The following MTA3 variants were observed in gnomAD, a reference collection of about 807,000 sequenced individuals.
MTA3 encodes metastasis-associated protein MTA3.
A neutral mutation model predicts 83.5 loss-of-function variants in MTA3; 34 were observed. The ratio of observed to expected loss-of-function variants is 0.41; its 90% CI spans 0.31 to 0.54. MTA3 has a LOEUF of 0.54. Among genes scored for constraint, MTA3 ranks in the 20% least tolerant of loss-of-function variants. The probability of loss-of-function intolerance (pLI) is 0.33; values close to 1 mark genes in which losing one functional copy is unlikely to be tolerated. For synonymous variants in MTA3, 303 were observed against 252.7 expected (o/e 1.20, Z -1.89); for missense variants, 761 against 726.4 (o/e 1.05, Z -0.55).
Position 42,756,935 on chromosome 2 carries a change from C to T in MTA3, c.*3536C>T, listed in dbSNP as rs1464119331. 2.0e-6 allele frequency: 2 copies of T among 985,286 alleles called. No homozygotes were observed. The highest frequency in any genetic ancestry group is 2.4e-6 in the Non-Finnish European group (2 of 829,970). The allele number at this position is 985,286 out of a possible 1,614,324, so 61.0% of individuals were successfully genotyped here. On this transcript the variant is annotated 3_prime_UTR_variant, in exon 17 of 17. Coordinates refer to ENST00000405094, the MANE Select transcript of MTA3 (RefSeq NM_001330442.2). The stretch of plus-strand genomic sequence containing the variant: ...ATTTGTATTGTGTTTCCAATAAATT[C>T]CTGGAAATTTTGCCTGGTTTTATGC...
At chr2:42,751,841 A>G (rs1243908108) in intron 16 of MTA3, among the ~76,000 whole-genome samples, 1 of 152,178 alleles carries the variant, frequency 6.6e-6, no homozygotes, top group Non-Finnish European at 1.5e-5. Flanking sequence ...ACAAAAAGAG[A>G]GAGTGGCTCC....
At chr2:42,554,168 A>G (rs1357014161) in intron 2 of MTA3, among the ~76,000 whole-genome samples, 1 of 149,470 alleles carries the variant, frequency 6.7e-6, no homozygotes, top group Non-Finnish European at 1.5e-5. Context: ...CAGGAGATGG[A>G]GTTTGCAGTG....
At chr2:42,532,380 G>T (rs1357042684) in intron 2 of MTA3, among the ~76,000 whole-genome samples, 3 of 152,064 alleles carry the variant, frequency 2.0e-5, no homozygotes, top group Admixed American at 6.6e-5. Flanking sequence ...TGTCATGGCG[G>T]GTGACTGTAA....
intron 4 of MTA3, among the ~76,000 whole-genome samples, chr2:42,610,845 ACTC>A (rs1573259651): frequency 6.6e-6 from 1 of 151,606 alleles, no homozygotes; most frequent in East Asian, 1.9e-4. Context: ...GCAGTGTTTC[ACTC>A]CTCTTAGGTT....
intron 16 of MTA3, among the ~76,000 whole-genome samples, chr2:42,725,854 TCCCA>T (rs1667770950): frequency 6.6e-6 from 1 of 151,942 alleles, no homozygotes; most frequent in Non-Finnish European, 1.5e-5. Context: ...GCTTGTAGAG[TCCCA>T]CCCACCCCCA....
intron 2 of MTA3, among the ~76,000 whole-genome samples, chr2:42,554,879 T>C (rs951854797): frequency 1.3e-5 from 2 of 152,116 alleles, no homozygotes; most frequent in African/African-American, 4.8e-5. Context: ...CTACTACCCT[T>C]CTTCCAGCTG....
At chr2:42,506,051 T>G (rs917969916) in intron 2 of MTA3, among the ~76,000 whole-genome samples, 7 of 152,058 alleles carry the variant, frequency 4.6e-5, no homozygotes, top group African/African-American at 1.7e-4. Flanking sequence ...AGGCATGAGC[T>G]ACCACACCCA....
chr2:42,567,682 C>T (rs1279877201), upstream of MTA3, among the ~76,000 whole-genome samples: 6 of 151,688 alleles, frequency 4.0e-5, no homozygotes, highest in Non-Finnish European at 8.8e-5. Context: ...GTAGGAAGGC[C>T]GTGAAAACAG....
chr2:42,662,343 T>C (rs1436534086), intron 8 of MTA3, among the ~76,000 whole-genome samples: 2 of 151,664 alleles, frequency 1.3e-5, no homozygotes, highest in Non-Finnish European at 2.9e-5. Flanking sequence ...TATAAATTTA[T>C]ATATTTCTTG....
At chr2:42,580,950 C>G (rs1679550383) in intron 3 of MTA3, among the ~76,000 whole-genome samples, 2 of 152,036 alleles carry the variant, frequency 1.3e-5, no homozygotes, top group South Asian at 4.1e-4. Context: ...TTGAAATGTT[C>G]TGGTATGGGT....
chr2:42,518,282 T>C (rs1226584164), intron 2 of MTA3, among the ~76,000 whole-genome samples: 6 of 152,126 alleles, frequency 3.9e-5, no homozygotes, highest in Non-Finnish European at 8.8e-5. Context: ...TAGGGCTCCT[T>C]GGAAAAATAA....
chr2:42,684,050 A>G (rs1409401109), intron 9 of MTA3, among the ~76,000 whole-genome samples: 1 of 152,202 alleles, frequency 6.6e-6, no homozygotes, highest in Non-Finnish European at 1.5e-5. Context: ...CACAATTAAC[A>G]CATTCATCAC....
intron 6 of MTA3, among the ~76,000 whole-genome samples, chr2:42,645,379 G>C (rs1688083666): frequency 6.6e-6 from 1 of 151,976 alleles, no homozygotes; most frequent in African/African-American, 2.4e-5. Flanking sequence ...ACAAAAACTA[G>C]CCAAGTGTGA....
At chr2:42,577,742 G>A (rs1450683770) in intron 2 of MTA3, among the ~76,000 whole-genome samples, 1 of 152,156 alleles carries the variant, frequency 6.6e-6, no homozygotes, top group Non-Finnish European at 1.5e-5. Context: ...GACTCCCAAA[G>A]TGTTGGGATT....
At position 42,636,903 on chromosome 2, in the gene MTA3, G is replaced by A. The variant is rs556200521; in HGVS notation, c.318-3270G>A. On this transcript the variant is annotated intron_variant, in intron 4 of 16. Coordinates refer to ENST00000405094, the MANE Select transcript of MTA3 (RefSeq NM_001330442.2). The stretch of plus-strand genomic sequence containing the variant: ...GCCTCCCAAAGTGCTGGGATCATAG[G>A]CATGAGCCACTGCGCCTGGCCCTCC... Among the ~76,000 whole-genome samples, 49 of 152,214 alleles carry A rather than the reference G, an allele frequency of 3.2e-4. No individual in the cohort carries two copies. In the South Asian group the frequency reaches 0.01, roughly 32 times the overall value.
intron 2 of MTA3, among the ~76,000 whole-genome samples, chr2:42,557,276 C>G (rs1180338782): frequency 6.9e-6 from 1 of 144,758 alleles, no homozygotes; most frequent in African/African-American, 2.5e-5. Flanking sequence ...GAGACTTTGT[C>G]TCAATATAAA....
intron 2 of MTA3, among the ~76,000 whole-genome samples, chr2:42,572,711 G>C (rs1195885015): frequency 6.6e-6 from 1 of 152,098 alleles, no homozygotes; most frequent in African/African-American, 2.4e-5. Context: ...TGCAGGAGAA[G>C]AAACTTTTGT....
intron 14 of MTA3, among the ~76,000 whole-genome samples, chr2:42,710,017 G>A (rs1016987309): frequency 2.6e-4 from 39 of 152,100 alleles, no homozygotes; most frequent in African/African-American, 9.4e-4. Context: ...TGTTAGAGCC[G>A]TGCAGCTTTT....
intron 8 of MTA3, among the ~76,000 whole-genome samples, chr2:42,667,629 G>T (rs1231869070): frequency 0.036 from 3,761 of 103,844 alleles, 99 homozygotes; most frequent in South Asian, 0.089. Context: ...GAAAGAGAGA[G>T]AGAGAGAGAG....
Sources: gnomAD v4.1 joint callset for allele counts (sites outside exome capture counted in the v4.1 genomes callset) on GRCh38, gnomAD v4.1.1 for gene constraint, MANE v1.5 for transcripts, NCBI Gene and HGNC (gene_info 2026-07-23, HGNC 2026-07-21) for gene names.